Variants in CTNNA3 observed in about 807,000 individuals in gnomAD.
CTNNA3 encodes catenin alpha 3.
In CTNNA3, 76 loss-of-function variants were observed where a neutral mutation model predicts 95.7. The observed-to-expected ratio is 0.79, with a 90% confidence interval of 0.66 to 0.96. CTNNA3 has a LOEUF of 0.96. CTNNA3 is among the 40% of genes least tolerant of loss of function. The pLI, the probability that CTNNA3 is intolerant of heterozygous loss-of-function variation, is 0.00. For synonymous variants in CTNNA3, 431 were observed against 374.4 expected (o/e 1.15, Z -1.74); for missense variants, 1,191 against 1,089.8 (o/e 1.09, Z -1.31).
chr10:66,837,986 G>A (rs779411411), intron 7 of CTNNA3, among the ~76,000 whole-genome samples: 5 of 152,050 alleles, frequency 3.3e-5, no homozygotes, highest in African/African-American at 4.8e-5. Context: ...CCCCAGTGAC[G>A]GTACAGGTCT....
intron 9 of CTNNA3, among the ~76,000 whole-genome samples, chr10:66,709,476 A>C (rs1848221904): frequency 6.6e-6 from 1 of 151,984 alleles, no homozygotes; most frequent in South Asian, 2.1e-4. Context: ...CATAAATTAG[A>C]GAGCTGCCAA....
At chr10:66,832,403 G>C (rs1223308187) in intron 7 of CTNNA3, among the ~76,000 whole-genome samples, 1 of 152,098 alleles carries the variant, frequency 6.6e-6, no homozygotes, top group East Asian at 1.9e-4. Context: ...GTACCTGAAA[G>C]TTACGGGAAA....
chr10:66,445,097 G>T (rs1589260653), intron 11 of CTNNA3, among the ~76,000 whole-genome samples: 1 of 152,130 alleles, frequency 6.6e-6, no homozygotes, highest in East Asian at 1.9e-4. Flanking sequence ...AATGGTAAAG[G>T]AATCAATTCA....
rs1482477786 is a variant in CTNNA3, at chr10:66,578,803, T to C, written c.1374+42889A>G. Among the ~76,000 whole-genome samples the C allele has an allele frequency of 3.3e-5, 5 of 149,824 alleles. No individual in the cohort carries two copies. The East Asian group carries it at 7.9e-4, about 24-fold the overall frequency. ...TTCTTTCTTTTTTTTTTTTTGTTTG[T>C]TGTTGTTGTTGTGTCTCTGTCACAT... On this transcript the variant is annotated intron_variant, in intron 10 of 17. Transcript: ENST00000433211.
intron 13 of CTNNA3, among the ~76,000 whole-genome samples, chr10:66,252,088 A>T (rs1407376069): frequency 6.6e-6 from 1 of 152,218 alleles, no homozygotes; most frequent in Non-Finnish European, 1.5e-5. Flanking sequence ...ATATATATTA[A>T]GGGCAACTTT....
chr10:66,703,698 T>C (rs1460971389), intron 9 of CTNNA3, among the ~76,000 whole-genome samples: 6 of 152,214 alleles, frequency 3.9e-5, no homozygotes, highest in African/African-American at 9.6e-5. Context: ...TTTATACTTT[T>C]GTATGCCTGC....
chr10:67,526,177 A>G (rs1840138369), intron 4 of CTNNA3, among the ~76,000 whole-genome samples: 1 of 152,214 alleles, frequency 6.6e-6, no homozygotes, highest in African/African-American at 2.4e-5. Context: ...TATGGCAACC[A>G]CAGAGCAATC....
At chr10:67,155,967 A>G (rs960758658) in intron 7 of CTNNA3, among the ~76,000 whole-genome samples, 3 of 152,060 alleles carry the variant, frequency 2.0e-5, no homozygotes, top group African/African-American at 4.8e-5. Context: ...TTCAATCTCT[A>G]TACTAGTTAC....
At chr10:66,227,195 TC>T (rs1179488902) in intron 13 of CTNNA3, among the ~76,000 whole-genome samples, 2 of 152,110 alleles carry the variant, frequency 1.3e-5, no homozygotes, top group Admixed American at 1.3e-4. Flanking sequence ...GCCTAATTAT[TC>T]TGGCTAGGAC....
At chr10:66,286,146 T>A (rs145794292) in intron 12 of CTNNA3, among the ~76,000 whole-genome samples, 115 of 152,106 alleles carry the variant, frequency 7.6e-4, no homozygotes, top group Middle Eastern at 6.8e-3. Context: ...CCATAGTATA[T>A]CCATATATTT....
chr10:66,622,062 T>A (rs1319206534), intron 9 of CTNNA3, among the ~76,000 whole-genome samples: 1 of 152,162 alleles, frequency 6.6e-6, no homozygotes, highest in Non-Finnish European at 1.5e-5. Flanking sequence ...TAACCCATAA[T>A]AAGAAGCTAT....
intron 13 of CTNNA3, among the ~76,000 whole-genome samples, chr10:66,135,370 C>G (rs930541990): frequency 6.6e-6 from 1 of 151,994 alleles, no homozygotes; most frequent in African/African-American, 2.4e-5. Context: ...CACAGAGAAG[C>G]TAGTTTAAAA....
At chr10:67,500,575 G>T (rs966547511) in intron 5 of CTNNA3, among the ~76,000 whole-genome samples, 4 of 152,080 alleles carry the variant, frequency 2.6e-5, no homozygotes, top group Non-Finnish European at 1.5e-5. Context: ...CTCTTTGTAG[G>T]GCTCTAAGAA....
chr10:66,155,412 C>A (rs1156737525), intron 13 of CTNNA3, among the ~76,000 whole-genome samples: 4 of 151,792 alleles, frequency 2.6e-5, no homozygotes, highest in Non-Finnish European at 2.9e-5. Context: ...ATAAACTAAA[C>A]TTCATGTCAC....
intron 5 of CTNNA3, among the ~76,000 whole-genome samples, chr10:67,314,804 AG>A (rs1258024097): frequency 6.6e-6 from 1 of 152,206 alleles, no homozygotes; most frequent in East Asian, 1.9e-4. Flanking sequence ...TTGTTTAAAA[AG>A]TATTTTCTAT....
chr10:66,910,277 T>A (rs756531835), intron 7 of CTNNA3, among the ~76,000 whole-genome samples: 1 of 152,202 alleles, frequency 6.6e-6, no homozygotes, highest in Non-Finnish European at 1.5e-5. Flanking sequence ...GGTTAGTAAG[T>A]GCAAGTAATG....
chr10:66,512,943 T>A (rs1202246040), intron 11 of CTNNA3, among the ~76,000 whole-genome samples: 1 of 151,956 alleles, frequency 6.6e-6, no homozygotes, highest in Non-Finnish European at 1.5e-5. Context: ...ATTCCCTTTT[T>A]GTCTTTACTT....
chr10:66,263,599 T>C (rs117259717), intron 13 of CTNNA3, among the ~76,000 whole-genome samples: 152 of 152,116 alleles, frequency 1.0e-3, no homozygotes, highest in Non-Finnish European at 1.2e-3. Context: ...TTAACCTCTC[T>C]AAACACTGCA....
At chr10:67,271,213 A>G (rs915921527) in intron 5 of CTNNA3, among the ~76,000 whole-genome samples, 8 of 152,194 alleles carry the variant, frequency 5.3e-5, no homozygotes, top group East Asian at 3.9e-4. Context: ...TTGCGTTCCC[A>G]CCCAAATCTC....
Sources: gnomAD v4.1 joint callset for allele counts (sites outside exome capture counted in the v4.1 genomes callset) on GRCh38, gnomAD v4.1.1 for gene constraint, MANE v1.5 for transcripts, NCBI Gene and HGNC (gene_info 2026-07-23, HGNC 2026-07-21) for gene names.